ONECUT3: variants seen among roughly 807,000 people sequenced by gnomAD.
The protein encoded by ONECUT3 is one cut homeobox 3.
In ONECUT3, 11 loss-of-function variants were observed where a neutral mutation model predicts 16.8. The observed-to-expected ratio is 0.66, with a 90% CI of 0.41 to 1.09. The LOEUF is 1.09. ONECUT3 is among the 50% of genes least tolerant of loss of function. The pLI is 0.00. For synonymous variants in ONECUT3, 344 were observed against 310.7 expected, an observed-to-expected ratio of 1.11 and a Z score of -1.13; for missense variants, 637 against 629.9, an observed-to-expected ratio of 1.01 and a Z score of -0.12.
rs561768747 is a variant in ONECUT3 at position 1,762,254 on chromosome 19, ACCCTCCTGCCCTCCTG to A, written c.1192+7416_1192+7431del. Among the ~76,000 whole-genome samples, 1 of 151,778 alleles carries A rather than the reference ACCCTCCTGCCCTCCTG, an allele frequency of 6.6e-6. No individual in the cohort carries two copies. The highest frequency in any genetic ancestry group is 2.0e-4 in the East Asian group (1 of 5,126). ...CCCAGCTGCGCCCGCCAGCCCTCCAACCCTCCTGCCCTCCTGCCCTCCTGCCCTCCTCTCTGGGAGT... is the reference window on the plus strand; with the variant it reads ...CCCAGCTGCGCCCGCCAGCCCTCCAACCCTCCTGCCCTCCTCTCTGGGAGT... On this transcript the variant is annotated intron_variant, in intron 1 of 1. Transcript: ENST00000382349. The surrounding 1 kb of genome is among the most constrained non-coding windows in gnomAD (Gnocchi z 4.4).
At position 1,754,026 on chromosome 19, in the gene ONECUT3, G is replaced by T; in HGVS notation, c.364G>T (p.Asp122Tyr). 4.0e-6 allele frequency: 4 copies of T among 992,228 alleles called. No homozygotes were observed. The highest frequency in any genetic ancestry group is 4.8e-6 in the Non-Finnish European group (4 of 836,042). 61.5% of individuals were successfully genotyped at this position (992,228 alleles called of 1,614,324 possible). A position where few individuals can be genotyped will look rare whatever the true frequency, so the allele number is the denominator to read the frequency against. The change falls in exon 1 of 2, where the codon GAC becomes TAC. Residue 122 changes from aspartate (D) to tyrosine (Y), a missense_variant. Physicochemically the swap from Asp to Tyr is radical, Grantham distance 160. Transcript: ENST00000382349. This position sits in a 1 kb window ranked among gnomAD's most constrained non-coding sequence, Gnocchi z 7.4. The stretch of plus-strand genomic sequence containing the variant: ...CCTGCCGCCGCTCGCGGCCGTGGCC[G>T]ACAAGTTCCACCAGCACGCGGCGGC... ...QHLPPLAAVA[D>Y]KFHQHAAAAA...
At chr19:1,772,686 CTTTTTTT>C (rs201848533) in intron 1 of ONECUT3, among the ~76,000 whole-genome samples, 3 of 64,010 alleles carry the variant, frequency 4.7e-5, no homozygotes, top group Non-Finnish European at 8.0e-5. Flanking sequence ...CTGCTTTACT[CTTTTTTT>C]TTTTTTTTTT....
At chr19:1,772,955 G>A (rs575892538) in intron 1 of ONECUT3, among the ~76,000 whole-genome samples, 10 of 149,540 alleles carry the variant, frequency 6.7e-5, no homozygotes, top group Admixed American at 2.0e-4. Context: ...CGCCCGCCTC[G>A]GCCTCCCAAA....
At chr19:1,769,733 G>T (rs1305799267) in intron 1 of ONECUT3, among the ~76,000 whole-genome samples, 2 of 152,090 alleles carry the variant, frequency 1.3e-5, no homozygotes, top group East Asian at 3.8e-4. Context: ...CAATGACAAA[G>T]CTGCTCGCGG....
chr19:1,762,380 T>C lies in ONECUT3; in HGVS notation c.1192+7526T>C, dbSNP rs1015708629. Among the ~76,000 whole-genome samples, 3 of 152,128 alleles carry C rather than the reference T, an allele frequency of 2.0e-5. No homozygotes were observed. The highest frequency in any genetic ancestry group is 1.3e-4 in the Admixed American group (2 of 15,286). ...ACCCTCAGTGAGTGGGATGCGCGAG[T>C]TGGGGACGCTAGTTGCGGGGCAGCA... On this transcript the variant is annotated intron_variant, in intron 1 of 1. Coordinates refer to ENST00000382349, the MANE Select transcript of ONECUT3 (RefSeq NM_001080488.2). The surrounding 1 kb of genome is among the most constrained non-coding windows in gnomAD (Gnocchi z 4.4).
In ONECUT3 at chr19:1,761,649, G is replaced by A. The variant is rs185233502; in HGVS notation, c.1192+6795G>A. Among the ~76,000 whole-genome samples, 24 of 152,324 alleles carry A rather than the reference G, an allele frequency of 1.6e-4. No homozygotes were observed. In the East Asian group the frequency reaches 3.9e-3, roughly 25 times the overall value. ...GCCCGGCTTACCCGGGAGAGCTGGC[G>A]CTGGGTGGAATCAAGTTCTTAATTA... On this transcript the variant is annotated intron_variant, in intron 1 of 1. Transcript: ENST00000382349.
rs2067936814 is a variant in ONECUT3, at chr19:1,759,863, G to T, written c.1192+5009G>T. ...CACGGAGTGTGGATAGACCGAGACC[G>T]TGCCCAGGGCCACGAGAACCAGACC... On this transcript the variant is annotated intron_variant, in intron 1 of 1. Coordinates refer to ENST00000382349, the MANE Select transcript of ONECUT3 (RefSeq NM_001080488.2). This position sits in a 1 kb window ranked among gnomAD's most constrained non-coding sequence, Gnocchi z 4.1. Among the ~76,000 whole-genome samples, 1 of 152,166 alleles carries T rather than the reference G, an allele frequency of 6.6e-6. No individual in the cohort carries two copies. Among genetic ancestry groups the T allele is most frequent in the Non-Finnish European group, 1.5e-5 (1 of 68,020 alleles).
At chr19:1,757,229 G>A (rs748868944) in intron 1 of ONECUT3, among the ~76,000 whole-genome samples, 1 of 152,234 alleles carries the variant, frequency 6.6e-6, no homozygotes, top group African/African-American at 2.4e-5. Flanking sequence ...CCTGCACCCA[G>A]GTGGGTGTTC....
Position 1,754,198 on chromosome 19 carries a change from C to T in ONECUT3, c.536C>T (p.Ala179Val). ...TLMRDERAAL[A>V]SVGHLYGPYG... ...ATGCGCGACGAGCGGGCGGCGCTCGCCTCCGTGGGCCACCTCTACGGACCC... is the reference window on the plus strand; with the variant it reads ...ATGCGCGACGAGCGGGCGGCGCTCGTCTCCGTGGGCCACCTCTACGGACCC... The change falls in exon 1 of 2, where the codon GCC (alanine) becomes GTC (valine). Residue 179 changes from alanine to valine, a missense_variant. Ala to Val is a moderately conservative substitution (Grantham distance 64, BLOSUM62 0). This residue lies in a region of ONECUT3 where 419 missense variants were observed against 377.9 expected (regional missense o/e 1.11). Coordinates refer to ENST00000382349, the MANE Select transcript of ONECUT3 (RefSeq NM_001080488.2). The surrounding 1 kb of genome is among the most constrained non-coding windows in gnomAD (Gnocchi z 7.4). The T allele has an allele frequency of 1.7e-6, 2 of 1,166,856 alleles. No homozygotes were observed. The highest frequency in any genetic ancestry group is 2.0e-5 in the South Asian group (1 of 50,324). 72.3% of individuals were successfully genotyped at this position (1,166,856 alleles called of 1,614,324 possible).
rs1215234211 is a variant in ONECUT3 at position 1,755,880 on chromosome 19, G to A, written c.1192+1026G>A. The stretch of plus-strand genomic sequence containing the variant: ...CCGGCCAGGCCCCCATTTCCTAGGT[G>A]GGGGTGTAAGGGTGCAGGAGGGCCC... On this transcript the variant is annotated intron_variant, in intron 1 of 1. Coordinates refer to ENST00000382349, the MANE Select transcript of ONECUT3 (RefSeq NM_001080488.2). The surrounding 1 kb of genome is among the most constrained non-coding windows in gnomAD (Gnocchi z 7.5). Among the ~76,000 whole-genome samples, 16 of 151,880 alleles carry A rather than the reference G, an allele frequency of 1.1e-4. No homozygotes were observed. The highest frequency in any genetic ancestry group is 1.0e-3 in the Admixed American group (16 of 15,254).
Position 1,753,532 on chromosome 19 carries a change from GGGCCGGGCCGTGCGCCGCGCAGCCT to G in ONECUT3, c.-127_-103del, listed in dbSNP as rs1236270202. 1 of 262,420 alleles carries G rather than the reference GGGCCGGGCCGTGCGCCGCGCAGCCT, an allele frequency of 3.8e-6. No individual in the cohort carries two copies. Among genetic ancestry groups the G allele is most frequent in the Non-Finnish European group, 6.0e-6 (1 of 165,348 alleles). 16.3% of individuals were successfully genotyped at this position (262,420 alleles called of 1,614,324 possible). A position where few individuals can be genotyped will look rare whatever the true frequency, so the allele number is the denominator to read the frequency against. On this transcript the variant is annotated 5_prime_UTR_variant, in exon 1 of 2. Transcript: ENST00000382349. ...CATCCTGGTGGCCGCGCTCGCAGCC[GGGCCGGGCCGTGCGCCGCGCAGCCT>G]GGCAGCCTCGCGCGCAGCCACCGGG...
chr19:1,761,147 G>C (rs373748667), intron 1 of ONECUT3, among the ~76,000 whole-genome samples: 2 of 148,302 alleles, frequency 1.3e-5, no homozygotes, highest in African/African-American at 5.0e-5. Flanking sequence ...CTGCCTCCCA[G>C]GTTCAAGTGA....
chr19:1,759,640 G>C lies in ONECUT3; in HGVS notation c.1192+4786G>C, dbSNP rs1335201359. Among the ~76,000 whole-genome samples the C allele has an allele frequency of 6.6e-6, 1 of 152,242 alleles. No individual in the cohort carries two copies. The highest frequency in any genetic ancestry group is 1.5e-5 in the Non-Finnish European group (1 of 68,044). On this transcript the variant is annotated intron_variant, in intron 1 of 1. Transcript: ENST00000382349. The surrounding 1 kb of genome is among the most constrained non-coding windows in gnomAD (Gnocchi z 4.1). ...ATATGCCCCACGCCACTAGACAGTA[G>C]AGATAACCAAGGTTGGGGGCTTGGA...
rs1157175649 is a variant in ONECUT3, at chr19:1,762,008, C to T, written c.1192+7154C>T. Among the ~76,000 whole-genome samples, 2 of 151,832 alleles carry T rather than the reference C, an allele frequency of 1.3e-5. No homozygotes were observed. Among genetic ancestry groups the T allele is most frequent in the African/African-American group, 2.4e-5 (1 of 41,306 alleles). Reference sequence around the variant, plus strand: ...GGCGTGCCCGGGTCACAAGTGTAGACGCACCCGGAGACACGTGTGTAGACG... The same window carrying T: ...GGCGTGCCCGGGTCACAAGTGTAGATGCACCCGGAGACACGTGTGTAGACG... On this transcript the variant is annotated intron_variant, in intron 1 of 1. Coordinates refer to ENST00000382349, the MANE Select transcript of ONECUT3 (RefSeq NM_001080488.2). This position sits in a 1 kb window ranked among gnomAD's most constrained non-coding sequence, Gnocchi z 4.4.
At chr19:1,768,230 G>A (rs1290516159) in intron 1 of ONECUT3, among the ~76,000 whole-genome samples, 2 of 151,726 alleles carry the variant, frequency 1.3e-5, no homozygotes, top group East Asian at 1.9e-4. Context: ...GGGGTGTTGG[G>A]GTAGCCTCGC....
At position 1,779,406 on chromosome 19, in the gene ONECUT3, AGAGC is replaced by A. The variant is rs1054730910; in HGVS notation, c.*3967_*3970del. 2.0e-5 allele frequency: 3 copies of A among 151,622 alleles called. No homozygotes were observed. The highest frequency in any genetic ancestry group is 7.3e-5 in the African/African-American group (3 of 41,202). 9.4% of individuals were successfully genotyped at this position (151,622 alleles called of 1,614,324 possible). On this transcript the variant is annotated 3_prime_UTR_variant, in exon 2 of 2. Coordinates refer to ENST00000382349, the MANE Select transcript of ONECUT3 (RefSeq NM_001080488.2). ...TTAGGAAAGAAAGGAAGAGAGAGAG[AGAGC>A]GAGCGCAAGAGAGAGAGAGAGGGAG... is the stretch of plus-strand genomic sequence containing the variant.
Position 1,764,836 on chromosome 19 carries a change from G to A in ONECUT3, c.1192+9982G>A, listed in dbSNP as rs1415492487. ...CGCAGGGGGGACAAGACACCAGCAT[G>A]GGGGTGGGGGGCATCAGTACAACCC... On this transcript the variant is annotated intron_variant, in intron 1 of 1. Coordinates refer to ENST00000382349, the MANE Select transcript of ONECUT3 (RefSeq NM_001080488.2). The surrounding 1 kb of genome is among the most constrained non-coding windows in gnomAD (Gnocchi z 5.0). Among the ~76,000 whole-genome samples the A allele has an allele frequency of 6.6e-6, 1 of 150,782 alleles. No individual in the cohort carries two copies. The highest frequency in any genetic ancestry group is 1.5e-5 in the Non-Finnish European group (1 of 67,438).
At chr19:1,771,388 A>C (rs2068053002) in intron 1 of ONECUT3, among the ~76,000 whole-genome samples, 1 of 152,198 alleles carries the variant, frequency 6.6e-6, no homozygotes, top group Middle Eastern at 3.2e-3. Flanking sequence ...TGGGAAGTTA[A>C]GTTTTGGAGT....
In ONECUT3 at chr19:1,768,832, G is replaced by A. The variant is rs566842652; in HGVS notation, c.1193-6321G>A. On this transcript the variant is annotated intron_variant, in intron 1 of 1. Transcript: ENST00000382349. ...GTGGAAGGTGGAGGTGATGGAGGTG[G>A]TGATGGGGGTGGAAGGTGGAGACGA... 1.3e-4 allele frequency among the ~76,000 whole-genome samples: 20 copies of A among 152,184 alleles called. 2 individuals are homozygous for A. In the South Asian group the frequency reaches 4.2e-3, roughly 32 times the overall value.
Sources: allele counts gnomAD v4.1 joint callset (sites outside exome capture counted in the v4.1 genomes callset), GRCh38; gene constraint gnomAD v4.1.1; regional missense constraint gnomAD v4.1.1; non-coding constraint Gnocchi (gnomAD v3.1); transcripts MANE v1.5; gene names NCBI Gene and HGNC (gene_info 2026-07-23, HGNC 2026-07-21).